Variants in TAF4B observed in about 807,000 individuals in gnomAD.
TAF4B encodes the protein transcription initiation factor TFIID subunit 4B.
A neutral mutation model predicts 86.4 loss-of-function variants in TAF4B; 38 were observed. That is an observed-to-expected ratio of 0.44 (90% CI 0.34 to 0.58). TAF4B has a LOEUF of 0.58. Ranked by LOEUF, TAF4B falls within the 20% of genes least tolerant of loss-of-function variation. The pLI is 0.02. For missense variants in TAF4B, 988 were observed against 1,027.6 expected (o/e 0.96, Z 0.53); for synonymous variants, 388 against 391.2 (o/e 0.99, Z 0.10).
At chr18:26,337,387 A>G (rs1157468304) in intron 13 of TAF4B, among the ~76,000 whole-genome samples, 1 of 150,322 alleles carries the variant, frequency 6.7e-6, no homozygotes, top group Admixed American at 6.6e-5. Flanking sequence ...GATTGCATAA[A>G]TATTGACCAT....
chr18:26,324,323 G>C (rs1485765712), intron 11 of TAF4B, among the ~76,000 whole-genome samples: 1 of 152,114 alleles, frequency 6.6e-6, no homozygotes, highest in Non-Finnish European at 1.5e-5. Context: ...TGTTGGCCAG[G>C]CTGGTCTCAA....
rs1191979644 is a variant in TAF4B at position 26,279,558 on chromosome 18, A to C, written c.883-2413A>C. On this transcript the variant is annotated intron_variant, in intron 5 of 14. Transcript: ENST00000269142. Reference sequence around the variant, plus strand: ...AACAATTAGAAGCAAAAAAAAAAAAAAAACAACAACAACAAAGCCAAGTGG... The same window carrying C: ...AACAATTAGAAGCAAAAAAAAAAAACAAACAACAACAACAAAGCCAAGTGG... 2.6e-5 allele frequency among the ~76,000 whole-genome samples: 4 copies of C among 151,948 alleles called. 1 individual carries two copies. Among genetic ancestry groups the C allele is most frequent in the African/African-American group, 7.2e-5 (3 of 41,488 alleles).
At chr18:26,344,914 T>G (rs1568163800) in intron 13 of TAF4B, among the ~76,000 whole-genome samples, 1 of 152,156 alleles carries the variant, frequency 6.6e-6, no homozygotes, top group Non-Finnish European at 1.5e-5. Flanking sequence ...CCACCTGGAC[T>G]GAATCTGGAG....
intron 13 of TAF4B, 132 bp from the exon 14 acceptor site, chr18:26,357,558 A>C (rs1457803657): frequency 1.3e-5 from 7 of 541,686 alleles, no homozygotes; most frequent in Non-Finnish European, 1.6e-5. Flanking sequence ...CTTGGCTGTT[A>C]TGGGAATCTA....
At chr18:26,335,603 A>G (rs1483637032) in intron 13 of TAF4B, among the ~76,000 whole-genome samples, 1 of 152,186 alleles carries the variant, frequency 6.6e-6, no homozygotes, top group Non-Finnish European at 1.5e-5. Flanking sequence ...GATACTGCTT[A>G]TAATTCTTTG....
intron 7 of TAF4B, among the ~76,000 whole-genome samples, chr18:26,291,504 C>G (rs1482814554): frequency 6.6e-6 from 1 of 151,822 alleles, no homozygotes; most frequent in African/African-American, 2.4e-5. Context: ...GTCAGGAGTT[C>G]GAGACCAGCC....
chr18:26,318,780 T>A (rs1337715607), intron 10 of TAF4B, among the ~76,000 whole-genome samples: 1 of 152,268 alleles, frequency 6.6e-6, no homozygotes, highest in Non-Finnish European at 1.5e-5. Context: ...AACATTTGGT[T>A]GTTCCCTAAA....
At chr18:26,296,995 A>C (rs984478704) in intron 9 of TAF4B, among the ~76,000 whole-genome samples, 12 of 152,064 alleles carry the variant, frequency 7.9e-5, no homozygotes, top group African/African-American at 2.9e-4. Context: ...AAAAATTAGC[A>C]GGGCATGGTG....
chr18:26,237,656 A>C (rs978632653), intron 1 of TAF4B, among the ~76,000 whole-genome samples: 2 of 152,088 alleles, frequency 1.3e-5, no homozygotes, highest in African/African-American at 2.4e-5. Flanking sequence ...ATAGTTGTGA[A>C]TTATCCTTCA....
At chr18:26,233,710 T>C (rs1173391152) in intron 1 of TAF4B, among the ~76,000 whole-genome samples, 1 of 152,198 alleles carries the variant, frequency 6.6e-6, no homozygotes, top group Non-Finnish European at 1.5e-5. Context: ...CTTAAACCAC[T>C]TCCTCAGCCC....
chr18:26,363,397 A>T (rs1347427191), intron 14 of TAF4B, among the ~76,000 whole-genome samples: 1 of 91,702 alleles, frequency 1.1e-5, no homozygotes, highest in East Asian at 3.9e-4. Context: ...AAAAAAAAAA[A>T]AGGCAGCGCG....
chr18:26,265,135 C>T, intron 1 of TAF4B, 35 bp from the exon 2 acceptor site: 4 of 1,597,614 alleles, frequency 2.5e-6, no homozygotes, highest in Non-Finnish European at 3.4e-6. Context: ...TATTTAGTGG[C>T]TCAGAGGTCA....
chr18:26,231,340 T>C (rs2144420964), intron 1 of TAF4B, among the ~76,000 whole-genome samples: 1 of 89,436 alleles, frequency 1.1e-5, no homozygotes, highest in South Asian at 5.5e-4. Flanking sequence ...ACCCAGCTGC[T>C]TGGGGTTTTT....
rs1161965916 is a variant in TAF4B, at chr18:26,390,689, A to G, written c.*677A>G. On this transcript the variant is annotated 3_prime_UTR_variant, in exon 15 of 15. Transcript: ENST00000269142. ...TTGAATCTACTGATATATCTTGTTGAAAAAATGGAAAAGGTGCAAAGTATT... is the reference window on the plus strand; with the variant it reads ...TTGAATCTACTGATATATCTTGTTGGAAAAATGGAAAAGGTGCAAAGTATT... The G allele has an allele frequency of 6.6e-6, 1 of 152,202 alleles. No individual in the cohort carries two copies. The highest frequency in any genetic ancestry group is 1.9e-4 in the East Asian group (1 of 5,204). 9.4% of individuals were successfully genotyped at this position (152,202 alleles called of 1,614,324 possible).
chr18:26,262,205 G>C (rs1436158821), intron 1 of TAF4B, among the ~76,000 whole-genome samples: 1 of 150,584 alleles, frequency 6.6e-6, no homozygotes, highest in African/African-American at 2.4e-5. Flanking sequence ...AGCTGGGATG[G>C]GGGGTGAGGA....
intron 9 of TAF4B, among the ~76,000 whole-genome samples, chr18:26,311,731 G>T (rs1259253995): frequency 6.6e-6 from 1 of 152,224 alleles, no homozygotes; most frequent in South Asian, 2.1e-4. Context: ...ATGGAAGGAA[G>T]GGGGAAGAGT....
intron 1 of TAF4B, among the ~76,000 whole-genome samples, chr18:26,244,873 G>A (rs991080690): frequency 2.0e-5 from 3 of 152,214 alleles, no homozygotes; most frequent in African/African-American, 7.2e-5. Flanking sequence ...AGATAGGATA[G>A]ATGGGTGAGT....
intron 8 of TAF4B, 69 bp from the exon 9 acceptor site, chr18:26,293,355 GTC>G: frequency 9.6e-7 from 1 of 1,039,166 alleles, no homozygotes; most frequent in South Asian, 1.5e-5. Context: ...AAAAACGGTT[GTC>G]CTGGATTTTT....
chr18:26,389,858 A>G lies in TAF4B; in HGVS notation c.2435A>G (p.Asn812Ser), dbSNP rs769788741. The change falls in exon 15 of 15, where the codon AAC becomes AGC. Residue 812 changes from asparagine (N) to serine (S), a missense_variant. By Grantham distance (46) the Asn-to-Ser change is conservative. Around this residue, in one of 3 missense-constraint regions of TAF4B, gnomAD observed 216 missense variants for 238.4 expected, o/e 0.91. Transcript: ENST00000269142. ...LESGIEGLKDNLLASGTSSLT... is the reference protein window; with the variant it reads ...LESGIEGLKDSLLASGTSSLT... ...TATTATTTTTAGGGCTTAAAAGACA[A>G]CCTTCTTGCTTCTGGGACATCCAGC... is the stretch of plus-strand genomic sequence containing the variant. 2 of 1,610,936 alleles carry G rather than the reference A, an allele frequency of 1.2e-6. No homozygotes were observed. Among genetic ancestry groups the G allele is most frequent in the Non-Finnish European group, 1.7e-6 (2 of 1,179,260 alleles).
Sources: allele counts gnomAD v4.1 joint callset (sites outside exome capture counted in the v4.1 genomes callset), GRCh38; gene constraint gnomAD v4.1.1; regional missense constraint gnomAD v4.1.1; transcripts MANE v1.5; gene names NCBI Gene and HGNC (gene_info 2026-07-23, HGNC 2026-07-21).